Variants in CCDC85C observed in about 807,000 individuals in gnomAD.
CCDC85C encodes the protein coiled-coil domain-containing protein 85C.
Under a neutral mutation model 38.3 loss-of-function variants are expected in CCDC85C, and 18 were observed. The ratio of observed to expected loss-of-function variants is 0.47; its 90% confidence interval spans 0.33 to 0.70. CCDC85C has a LOEUF of 0.70. CCDC85C is among the 30% of genes least tolerant of loss of function. The pLI is 0.03. For missense variants in CCDC85C, 566 were observed against 621.2 expected (o/e 0.91, Z 0.94); for synonymous variants, 264 against 293.8 (o/e 0.90, Z 1.04).
intron 1 of CCDC85C, chr14:99,580,007 C>T (rs1392381139): frequency 2.2e-6 from 1 of 455,296 alleles, no homozygotes; most frequent in Non-Finnish European, 4.4e-6. Context: ...ACAAACCCCA[C>T]ATACCCCACA....
chr14:99,585,086 C>T (rs1261591618), intron 1 of CCDC85C, among the ~76,000 whole-genome samples: 2 of 152,130 alleles, frequency 1.3e-5, no homozygotes, highest in Non-Finnish European at 2.9e-5. Context: ...CAGAGTGAGA[C>T]CCCGTCCCCT....
At position 99,507,055 on chromosome 14, in the gene CCDC85C, T is replaced by C; in HGVS notation, c.*8191A>G. 6.7e-7 allele frequency: 1 copy of C among 1,502,692 alleles called. No homozygotes were observed. The highest frequency in any genetic ancestry group is 2.3e-5 in the East Asian group (1 of 44,384). The allele number at this position is 1,502,692 out of a possible 1,614,324, so 93.1% of individuals were successfully genotyped here. A position where few individuals can be genotyped will look rare whatever the true frequency, so the allele number is the denominator to read the frequency against. The stretch of plus-strand genomic sequence containing the variant: ...ATGTGAAGAAGTATGAGTGGTTTTC[T>C]AATCTGCTTTTTCTTTGTAGAACCA... On this transcript the variant is annotated 3_prime_UTR_variant, in exon 6 of 6. Coordinates refer to ENST00000380243, the MANE Select transcript of CCDC85C (RefSeq NM_001144995.2).
chr14:99,570,656 CT>C (rs1218158867), intron 1 of CCDC85C, among the ~76,000 whole-genome samples: 2 of 152,160 alleles, frequency 1.3e-5, no homozygotes, highest in Admixed American at 6.5e-5. Context: ...CTCAAGAGAG[CT>C]ATCCTACAGT....
In CCDC85C at chr14:99,503,261, C is replaced by CGTGTCCTAGCA. The variant is rs1896885833; in HGVS notation, c.*11974_*11984dup. On this transcript the variant is annotated 3_prime_UTR_variant, in exon 6 of 6. Coordinates refer to ENST00000380243, the MANE Select transcript of CCDC85C (RefSeq NM_001144995.2). ...TTCTGAAGCCTGTCGGTGTCGTTGC[C>CGTGTCCTAGCA]GTGTCCTAGCAGTGTCGTTGTGCAT... is the stretch of plus-strand genomic sequence containing the variant. The CGTGTCCTAGCA allele has an allele frequency of 8.8e-5, 56 of 638,434 alleles. No individual in the cohort carries two copies. The South Asian group carries it at 9.2e-4, about 11-fold the overall frequency. 39.5% of individuals were successfully genotyped at this position (638,434 alleles called of 1,614,324 possible). A position where few individuals can be genotyped will look rare whatever the true frequency, so the allele number is the denominator to read the frequency against.
At chr14:99,586,699 T>C (rs921751454) in intron 1 of CCDC85C, among the ~76,000 whole-genome samples, 3 of 152,170 alleles carry the variant, frequency 2.0e-5, no homozygotes, top group African/African-American at 7.2e-5. Context: ...CTCATCACTG[T>C]CATACATGAG....
chr14:99,572,052 C>A lies in CCDC85C; in HGVS notation c.793+31115G>T, dbSNP rs149826820. ...CACCCTTCCACGGGGCATCTCAGAG[C>A]GTGATCCCCAGAGCCCCCAACCCTA... On this transcript the variant is annotated intron_variant, in intron 1 of 5. Coordinates refer to ENST00000380243, the MANE Select transcript of CCDC85C (RefSeq NM_001144995.2). The surrounding 1 kb of genome is among the most constrained non-coding windows in gnomAD (Gnocchi z 4.4). Among the ~76,000 whole-genome samples the A allele has an allele frequency of 6.6e-6, 1 of 152,164 alleles. No individual in the cohort carries two copies. Among genetic ancestry groups the A allele is most frequent in the Non-Finnish European group, 1.5e-5 (1 of 68,028 alleles).
At chr14:99,525,299 C>T (rs6575728) in intron 2 of CCDC85C, among the ~76,000 whole-genome samples, 133,447 of 152,202 alleles carry the variant, frequency 0.88, 60,515 homozygotes, top group East Asian at 1. Flanking sequence ...CGTCCTGCAG[C>T]GAATGCCTGC....
At chr14:99,573,093 G>A (rs375655687) in intron 1 of CCDC85C, 483 of 314,572 alleles carry the variant, frequency 1.5e-3, no homozygotes, top group Non-Finnish European at 2.5e-3. Flanking sequence ...TTTCCGGGGC[G>A]CTCAGACCAG....
intron 2 of CCDC85C, among the ~76,000 whole-genome samples, chr14:99,524,339 C>T (rs894047272): frequency 3.3e-5 from 5 of 152,066 alleles, no homozygotes; most frequent in Admixed American, 2.6e-4. Flanking sequence ...TGGACTCCGG[C>T]GTCCCTTCCT....
At chr14:99,586,602 G>C (rs549365665) in intron 1 of CCDC85C, among the ~76,000 whole-genome samples, 1 of 152,258 alleles carries the variant, frequency 6.6e-6, no homozygotes, top group African/African-American at 2.4e-5. Context: ...CAGCCCCGAG[G>C]GTTCCTCCTC....
At position 99,535,379 on chromosome 14, in the gene CCDC85C, G is replaced by C. The variant is rs1035719454; in HGVS notation, c.867+636C>G. Among the ~76,000 whole-genome samples, 2 of 152,142 alleles carry C rather than the reference G, an allele frequency of 1.3e-5. No individual in the cohort carries two copies. The highest frequency in any genetic ancestry group is 4.8e-5 in the African/African-American group (2 of 41,420). On this transcript the variant is annotated intron_variant, in intron 2 of 5. Coordinates refer to ENST00000380243, the MANE Select transcript of CCDC85C (RefSeq NM_001144995.2). The surrounding 1 kb of genome is among the most constrained non-coding windows in gnomAD (Gnocchi z 5.5). ...CAACACCCAAGCGTGACTGCCCATA[G>C]CCTCCTCTCGGCAGCCCCCACGCCT... is the stretch of plus-strand genomic sequence containing the variant.
intron 1 of CCDC85C, among the ~76,000 whole-genome samples, chr14:99,577,433 C>T (rs1235676550): frequency 7.0e-6 from 1 of 142,322 alleles, no homozygotes; most frequent in Non-Finnish European, 1.5e-5. Flanking sequence ...ACAGGGAGGC[C>T]CAGGGTGACT....
At position 99,604,032 on chromosome 14, in the gene CCDC85C, G is replaced by A; in HGVS notation, c.-73C>T. 6 of 1,005,150 alleles carry A rather than the reference G, an allele frequency of 6.0e-6. No homozygotes were observed. Among genetic ancestry groups the A allele is most frequent in the Non-Finnish European group, 5.9e-6 (5 of 844,710 alleles). The allele number at this position is 1,005,150 out of a possible 1,614,324, so 62.3% of individuals were successfully genotyped here. A position where few individuals can be genotyped will look rare whatever the true frequency, so the allele number is the denominator to read the frequency against. On this transcript the variant is annotated 5_prime_UTR_variant, in exon 1 of 6. Transcript: ENST00000380243. ...CTTCCCCGCGCCGGGGCTCCGCTGG[G>A]CCGGTCCGCGCGCGGGCGGGGGGCG...
intron 1 of CCDC85C, among the ~76,000 whole-genome samples, chr14:99,602,152 C>CA (rs1475408138): frequency 6.6e-6 from 1 of 152,184 alleles, no homozygotes; most frequent in Non-Finnish European, 1.5e-5. Context: ...GCCAAGCTAC[C>CA]AAAAAACGTG....
intron 1 of CCDC85C, among the ~76,000 whole-genome samples, chr14:99,591,730 TTTTC>T (rs1200677415): frequency 1.4e-5 from 2 of 140,132 alleles, no homozygotes; most frequent in Non-Finnish European, 3.0e-5. Context: ...TCTTGGTTTC[TTTTC>T]TTTTTTTTTT....
rs1259001396 is a variant in CCDC85C, at chr14:99,604,160, G to T, written c.-201C>A. ...GCGCGCCTCGGGGTTGACGAGCGGA[G>T]GCGGCTGCTGCGTCGGCGGCCGCGG... On this transcript the variant is annotated 5_prime_UTR_variant, in exon 1 of 6. Coordinates refer to ENST00000380243, the MANE Select transcript of CCDC85C (RefSeq NM_001144995.2). The T allele has an allele frequency of 2.9e-6, 1 of 345,182 alleles. No homozygotes were observed. Among genetic ancestry groups the T allele is most frequent in the Non-Finnish European group, 4.0e-6 (1 of 247,008 alleles). 21.4% of individuals were successfully genotyped at this position (345,182 alleles called of 1,614,324 possible). A position where few individuals can be genotyped will look rare whatever the true frequency, so the allele number is the denominator to read the frequency against.
rs145232056 is a variant in CCDC85C, at chr14:99,547,544, C to T, written c.794-11456G>A. Among the ~76,000 whole-genome samples, 110 of 152,240 alleles carry T rather than the reference C, an allele frequency of 7.2e-4. 1 individual carries two copies. Among genetic ancestry groups the T allele is most frequent in the Non-Finnish European group, 1.2e-3 (80 of 68,016 alleles). ...ATCCCAGCACTTTGAGAGGCTGAGG[C>T]GGGCAGATCACCTGACGCCAGGAGT... On this transcript the variant is annotated intron_variant, in intron 1 of 5. Transcript: ENST00000380243.
intron 1 of CCDC85C, among the ~76,000 whole-genome samples, chr14:99,553,377 G>C (rs936903784): frequency 6.6e-6 from 1 of 151,706 alleles, no homozygotes; most frequent in Admixed American, 6.6e-5. Context: ...TTGTTTGTTT[G>C]TTTTTGAGAC....
At chr14:99,590,815 CCCCCCAA>C (rs1324673050) in intron 1 of CCDC85C, among the ~76,000 whole-genome samples, 1 of 152,154 alleles carries the variant, frequency 6.6e-6, no homozygotes, top group Non-Finnish European at 1.5e-5. Context: ...CACCCTGATG[CCCCCCAA>C]CCCCCAACCA....
Sources: allele counts gnomAD v4.1 joint callset (sites outside exome capture counted in the v4.1 genomes callset), GRCh38; gene constraint gnomAD v4.1.1; non-coding constraint Gnocchi (gnomAD v3.1); transcripts MANE v1.5; gene names NCBI Gene and HGNC (gene_info 2026-07-23, HGNC 2026-07-21).